The following RBL1 variants were observed in gnomAD, a reference collection of about 807,000 sequenced individuals.
The protein encoded by RBL1 is RB transcriptional corepressor like 1.
A neutral mutation model predicts 123.0 loss-of-function variants in RBL1; 82 were observed. The ratio of observed to expected loss-of-function variants is 0.67; its 90% CI spans 0.56 to 0.80. The LOEUF (loss-of-function observed/expected upper bound fraction) is 0.80, where lower values mean the gene tolerates loss of function less well. RBL1 is among the 30% of genes least tolerant of loss of function. The pLI is 0.00. For missense variants in RBL1, 1,171 were observed against 1,299.6 expected, an observed-to-expected ratio of 0.90 and a Z score of 1.52; for synonymous variants, 405 against 441.3, an observed-to-expected ratio of 0.92 and a Z score of 1.03.
At position 37,055,634 on chromosome 20, in the gene RBL1, C is replaced by G. The variant is rs1396125976; in HGVS notation, c.1386G>C (p.Lys462Asn). 8 of 1,613,048 alleles carry G rather than the reference C, an allele frequency of 5.0e-6. No individual in the cohort carries two copies. Among genetic ancestry groups the G allele is most frequent in the Non-Finnish European group, 6.8e-6 (8 of 1,179,606 alleles). Residue 462 changes from lysine (K) to asparagine (N), a missense_variant, in exon 11 of 22, where the codon AAG (lysine) becomes AAC (asparagine). Physicochemically the swap from Lys to Asn is moderately conservative, Grantham distance 94. Coordinates refer to ENST00000373664, the MANE Select transcript of RBL1 (RefSeq NM_002895.5). Reference protein sequence around the residue: ...SHIDFAVNRLKLAEILYYKIL... With the variant: ...SHIDFAVNRLNLAEILYYKIL... ...TTTTATAATACAAAATTTCTGCCAG[C>G]TTTAGTCTGTTTACAGCAAAGTCTA... is the stretch of plus-strand genomic sequence containing the variant.
At chr20:37,011,211 T>A (rs367779454) in intron 19 of RBL1, among the ~76,000 whole-genome samples, 1 of 152,206 alleles carries the variant, frequency 6.6e-6, no homozygotes, top group African/African-American at 2.4e-5. Context: ...TACAGTGTTA[T>A]GTTTGTGTTA....
chr20:37,048,861 T>C (rs2064856583), intron 11 of RBL1, among the ~76,000 whole-genome samples: 1 of 150,730 alleles, frequency 6.6e-6, no homozygotes, highest in Non-Finnish European at 1.5e-5. Context: ...CCTAGGAGTT[T>C]TGACACTAGC....
chr20:37,042,505 G>A (rs1419803135), intron 13 of RBL1, among the ~76,000 whole-genome samples: 1 of 152,066 alleles, frequency 6.6e-6, no homozygotes, highest in East Asian at 1.9e-4. Flanking sequence ...CTTAAACAGA[G>A]TTACCATATG....
rs1034552055 is a variant in RBL1, at chr20:37,052,278, G to A, written c.1467+3275C>T. 5.3e-5 allele frequency among the ~76,000 whole-genome samples: 8 copies of A among 151,826 alleles called. No individual in the cohort carries two copies. The East Asian group carries it at 1.6e-3, about 30-fold the overall frequency. On this transcript the variant is annotated intron_variant, in intron 11 of 21. Coordinates refer to ENST00000373664, the MANE Select transcript of RBL1 (RefSeq NM_002895.5). ...AAACTCCTGACCTTGTGATCCACCCGGCTTGGCCTCCCAAAGTGCTGGGAT... is the reference window on the plus strand; with the variant it reads ...AAACTCCTGACCTTGTGATCCACCCAGCTTGGCCTCCCAAAGTGCTGGGAT...
intron 11 of RBL1, chr20:37,049,521 G>C (rs2064871210): frequency 1.3e-6 from 1 of 755,754 alleles, no homozygotes; most frequent in South Asian, 1.4e-5. Context: ...GTAAGCACAA[G>C]AGAAAGAAGG....
intron 19 of RBL1, among the ~76,000 whole-genome samples, chr20:37,013,121 G>A (rs1345885496): frequency 6.6e-6 from 1 of 152,228 alleles, no homozygotes; most frequent in Non-Finnish European, 1.5e-5. Flanking sequence ...GCCATGATGA[G>A]AATGGCGGTT....
chr20:37,074,800 G>A (rs1473179359), intron 2 of RBL1, among the ~76,000 whole-genome samples: 1 of 152,118 alleles, frequency 6.6e-6, no homozygotes, highest in Non-Finnish European at 1.5e-5. Flanking sequence ...ACTCCAGCCT[G>A]GGTGACAGAG....
At position 37,057,003 on chromosome 20, in the gene RBL1, A is replaced by ACC. The variant is rs767867456; in HGVS notation, c.1251-746_1251-745insGG. ...TATCTCTATTTCTTTCTATCTATCT[A>ACC]TCTACCTACCTACCTACCTACCTAC... On this transcript the variant is annotated intron_variant, in intron 9 of 21. Transcript: ENST00000373664. Among the ~76,000 whole-genome samples the ACC allele has an allele frequency of 4.9e-3, 690 of 141,788 alleles. 2 individuals are homozygous for ACC. Among genetic ancestry groups the ACC allele is most frequent in the East Asian group, 0.019 (94 of 5,026 alleles). The allele number at this position is 141,788 out of a possible 152,430, so 93.0% of individuals were successfully genotyped here. A position where few individuals can be genotyped will look rare whatever the true frequency, so the allele number is the denominator to read the frequency against.
At chr20:37,030,368 A>G (rs1018537723) in intron 16 of RBL1, among the ~76,000 whole-genome samples, 10 of 152,202 alleles carry the variant, frequency 6.6e-5, no homozygotes, top group African/African-American at 2.4e-4. Flanking sequence ...CGTGCTGGGA[A>G]AAATGGATAT....
At chr20:37,082,857 C>T (rs2065474213) in intron 2 of RBL1, among the ~76,000 whole-genome samples, 1 of 151,972 alleles carries the variant, frequency 6.6e-6, no homozygotes, top group Non-Finnish European at 1.5e-5. Flanking sequence ...CAAAAATTAT[C>T]TGGGCATAGT....
intron 2 of RBL1, among the ~76,000 whole-genome samples, chr20:37,083,653 A>AAAAAAAAAAAAG (rs2065493132): frequency 6.8e-6 from 1 of 147,052 alleles, no homozygotes; most frequent in African/African-American, 2.5e-5. Flanking sequence ...AAAAAAAAAA[A>AAAAAAAAAAAAG]ATACAGGTGG....
At chr20:37,046,731 C>T (rs761068249) in intron 12 of RBL1, among the ~76,000 whole-genome samples, 4 of 151,906 alleles carry the variant, frequency 2.6e-5, no homozygotes, top group Non-Finnish European at 5.9e-5. Context: ...GCCTCAGCCT[C>T]TCAAGCAGCT....
chr20:37,008,297 C>T (rs1186934455), intron 19 of RBL1, among the ~76,000 whole-genome samples: 2 of 152,162 alleles, frequency 1.3e-5, no homozygotes, highest in Non-Finnish European at 2.9e-5. Flanking sequence ...AAAGCATATC[C>T]TGAGAGGTTA....
intron 13 of RBL1, among the ~76,000 whole-genome samples, chr20:37,043,280 A>C (rs947342989): frequency 2.0e-5 from 3 of 151,934 alleles, no homozygotes; most frequent in African/African-American, 7.3e-5. Context: ...TGAGGTCAGG[A>C]GTTCAAGAAC....
chr20:37,041,017 G>A (rs942097445), intron 13 of RBL1, among the ~76,000 whole-genome samples: 1 of 152,172 alleles, frequency 6.6e-6, no homozygotes, highest in Non-Finnish European at 1.5e-5. Context: ...GATGAATACT[G>A]AAGAGTGGCC....
At chr20:37,075,295 A>G (rs2065346580) in intron 2 of RBL1, among the ~76,000 whole-genome samples, 1 of 152,084 alleles carries the variant, frequency 6.6e-6, no homozygotes. Flanking sequence ...GTGGTACACA[A>G]CTCTGTGAAA....
chr20:37,054,438 C>T (rs779192895), intron 11 of RBL1, among the ~76,000 whole-genome samples: 3 of 151,668 alleles, frequency 2.0e-5, no homozygotes, highest in African/African-American at 4.8e-5. Context: ...GAGCCAAGAT[C>T]GCGCCACTGC....
At chr20:37,064,200 C>T (rs374158133) in intron 7 of RBL1, among the ~76,000 whole-genome samples, 55 of 143,480 alleles carry the variant, frequency 3.8e-4, no homozygotes, top group Middle Eastern at 3.9e-3. Context: ...TGCAGTGGTG[C>T]GATCTCAACT....
intron 16 of RBL1, among the ~76,000 whole-genome samples, chr20:37,024,651 A>C (rs1444344959): frequency 6.6e-6 from 1 of 152,216 alleles, no homozygotes; most frequent in Non-Finnish European, 1.5e-5. Flanking sequence ...CTAGCTTCTA[A>C]TCTATGAGCA....
Sources: gnomAD v4.1 joint callset for allele counts (sites outside exome capture counted in the v4.1 genomes callset) on GRCh38, gnomAD v4.1.1 for gene constraint, MANE v1.5 for transcripts, NCBI Gene and HGNC (gene_info 2026-07-23, HGNC 2026-07-21) for gene names.